The following STK38L variants were observed in gnomAD, a reference collection of about 807,000 sequenced individuals.
The protein encoded by STK38L is serine/threonine kinase 38 like, also known as serine/threonine-protein kinase 38-like.
STK38L carries 28 observed loss-of-function variants against 59.7 expected under a neutral mutation model. The observed-to-expected ratio is 0.47, with a 90% CI of 0.35 to 0.64. The LOEUF (loss-of-function observed/expected upper bound fraction) is 0.64, where lower values mean the gene tolerates loss of function less well. STK38L is among the 30% of genes least tolerant of loss of function. The pLI, the probability that STK38L is intolerant of heterozygous loss-of-function variation, is 0.01. For synonymous variants in STK38L, 162 were observed against 176.8 expected (o/e 0.92, Z 0.66); for missense variants, 314 against 555.8 (o/e 0.56, Z 4.37).
intron 1 of STK38L, among the ~76,000 whole-genome samples, chr12:27,272,449 C>T (rs1212801862): frequency 6.6e-6 from 1 of 152,156 alleles, no homozygotes; most frequent in Non-Finnish European, 1.5e-5. Flanking sequence ...TTGATTTCCC[C>T]TCAAGGAAGG....
chr12:27,300,129 C>G (rs1318524378), intron 2 of STK38L, among the ~76,000 whole-genome samples: 1 of 151,948 alleles, frequency 6.6e-6, no homozygotes. Context: ...ATAAAATTAT[C>G]TGTGTTATTG....
At position 27,322,367 on chromosome 12, in the gene STK38L, G is replaced by A; in HGVS notation, c.1307G>A (p.Trp436Ter). The A allele has an allele frequency of 6.2e-7, 1 of 1,614,006 alleles. No homozygotes were observed. The highest frequency in any genetic ancestry group is 8.5e-7 in the Non-Finnish European group (1 of 1,179,936). The change falls in exon 14 of 14, where the codon TGG becomes TAG. Residue 436 changes from tryptophan (W) to a stop codon, truncating the protein, a stop_gained. Transcript: ENST00000389032. LOFTEE classifies it high-confidence loss of function. ...TTEPDYKSKD[W>*]VFLNYTYKRF... ...GAACCGGACTACAAATCCAAAGACT[G>A]GGTTTTTCTCAATTATACCTATAAA...
chr12:27,253,654 G>A (rs908974181), intron 1 of STK38L, among the ~76,000 whole-genome samples: 2 of 152,164 alleles, frequency 1.3e-5, no homozygotes, highest in Admixed American at 6.5e-5. Context: ...AAGGGAGAGG[G>A]GCACCTACTT....
rs1423448134 is a variant in STK38L at position 27,322,909 on chromosome 12, A to G, written c.*454A>G. The G allele has an allele frequency of 1.3e-5, 2 of 152,814 alleles. No individual in the cohort carries two copies. Among genetic ancestry groups the G allele is most frequent in the Non-Finnish European group, 2.9e-5 (2 of 68,516 alleles). The allele number at this position is 152,814 out of a possible 1,614,324, so 9.5% of individuals were successfully genotyped here. On this transcript the variant is annotated 3_prime_UTR_variant, in exon 14 of 14. Transcript: ENST00000389032. ...TGGGTCTAGATAATCAGTAAAAGCC[A>G]TCTTCCATAGTTGGTGTTAGAACAT... is the stretch of plus-strand genomic sequence containing the variant.
At chr12:27,285,202 G>T (rs1943746528) in intron 1 of STK38L, among the ~76,000 whole-genome samples, 1 of 152,056 alleles carries the variant, frequency 6.6e-6, no homozygotes, top group South Asian at 2.1e-4. Context: ...TCAGGGGGTG[G>T]TTTTTATTTG....
chr12:27,286,674 T>TA (rs1277073148), intron 1 of STK38L, among the ~76,000 whole-genome samples: 1 of 152,234 alleles, frequency 6.6e-6, no homozygotes, highest in Non-Finnish European at 1.5e-5. Flanking sequence ...GTTATTTGCA[T>TA]AGGATAGACT....
intron 9 of STK38L, among the ~76,000 whole-genome samples, chr12:27,317,000 ATAACT>A (rs1172797781): frequency 1.3e-5 from 2 of 152,130 alleles, no homozygotes; most frequent in African/African-American, 2.4e-5. Flanking sequence ...ATATATATAA[ATAACT>A]TAACTGAGCT....
At position 27,325,733 on chromosome 12, in the gene STK38L, T is replaced by G. The variant is rs1186354435; in HGVS notation, c.*3278T>G. ...TGGGACTACTAGAGATATTTTAGATTTTTATGAAAAAAATGTGAGGGGATA... is the reference window on the plus strand; with the variant it reads ...TGGGACTACTAGAGATATTTTAGATGTTTATGAAAAAAATGTGAGGGGATA... On this transcript the variant is annotated 3_prime_UTR_variant, in exon 14 of 14. Transcript: ENST00000389032. 1 of 152,158 alleles carries G rather than the reference T, an allele frequency of 6.6e-6. No individual in the cohort carries two copies. The highest frequency in any genetic ancestry group is 1.5e-5 in the Non-Finnish European group (1 of 68,016). 9.4% of individuals were successfully genotyped at this position (152,158 alleles called of 1,614,324 possible).
intron 1 of STK38L, among the ~76,000 whole-genome samples, chr12:27,267,843 C>G (rs1403383583): frequency 6.6e-6 from 1 of 152,046 alleles, no homozygotes; most frequent in South Asian, 2.1e-4. Flanking sequence ...AGTTGAGCAT[C>G]TTTTATTATG....
intron 10 of STK38L, 91 bp downstream of exon 10, chr12:27,317,544 T>C (rs2136651609): frequency 9.5e-7 from 1 of 1,057,068 alleles, no homozygotes; most frequent in South Asian, 1.5e-5. Flanking sequence ...GACTAAAATA[T>C]TTGAAGTCTT....
intron 1 of STK38L, among the ~76,000 whole-genome samples, chr12:27,282,962 C>T (rs1943693033): frequency 6.6e-6 from 1 of 152,178 alleles, no homozygotes; most frequent in Admixed American, 6.5e-5. Context: ...AGTTAAGTCT[C>T]ACTTTTCTCT....
In STK38L at chr12:27,325,574, A is replaced by G. The variant is rs566864636; in HGVS notation, c.*3119A>G. ...ATTGTTAAAATTCAGAACATTCAAA[A>G]TAACTGTTTTGCTACAACCCATGAT... On this transcript the variant is annotated 3_prime_UTR_variant, in exon 14 of 14. Coordinates refer to ENST00000389032, the MANE Select transcript of STK38L (RefSeq NM_015000.4). 2 of 152,176 alleles carry G rather than the reference A, an allele frequency of 1.3e-5. No homozygotes were observed. Among genetic ancestry groups the G allele is most frequent in the South Asian group, 2.1e-4 (1 of 4,828 alleles). 9.4% of individuals were successfully genotyped at this position (152,176 alleles called of 1,614,324 possible). A position where few individuals can be genotyped will look rare whatever the true frequency, so the allele number is the denominator to read the frequency against.
In STK38L at chr12:27,245,080, A is replaced by G. The variant is rs60860417; in HGVS notation, c.-12+748A>G. Among the ~76,000 whole-genome samples the G allele has an allele frequency of 1.7e-4, 26 of 152,306 alleles. No homozygotes were observed. The East Asian group carries it at 4.6e-3, about 27-fold the overall frequency. ...AAGAACAAACTTTATTTTCAAAACC[A>G]GTGGCCTCCCCTTTTACTGGTGCTG... is the stretch of plus-strand genomic sequence containing the variant. On this transcript the variant is annotated intron_variant, in intron 1 of 13. Coordinates refer to ENST00000389032, the MANE Select transcript of STK38L (RefSeq NM_015000.4).
chr12:27,288,641 T>C (rs1164806235), intron 1 of STK38L, among the ~76,000 whole-genome samples: 2 of 151,908 alleles, frequency 1.3e-5, no homozygotes, highest in Non-Finnish European at 2.9e-5. Context: ...TTAATTCATC[T>C]TTATAAATTC....
chr12:27,248,035 G>A (rs193103651), intron 1 of STK38L, among the ~76,000 whole-genome samples: 43 of 152,128 alleles, frequency 2.8e-4, no homozygotes, highest in Non-Finnish European at 5.9e-4. Flanking sequence ...GCCTGGTCTC[G>A]AACTCCTTGG....
At chr12:27,261,065 A>G (rs377487270) in intron 1 of STK38L, among the ~76,000 whole-genome samples, 1 of 152,216 alleles carries the variant, frequency 6.6e-6, no homozygotes, top group East Asian at 1.9e-4. Context: ...AACAAACTTG[A>G]AAATTCCATG....
intron 1 of STK38L, among the ~76,000 whole-genome samples, chr12:27,291,334 C>T (rs1943891131): frequency 6.6e-6 from 1 of 152,150 alleles, no homozygotes. Flanking sequence ...GCTCTTCCTC[C>T]TCTGAGTCCA....
At chr12:27,248,709 G>C (rs1942910300) in intron 1 of STK38L, among the ~76,000 whole-genome samples, 1 of 152,168 alleles carries the variant, frequency 6.6e-6, no homozygotes, top group African/African-American at 2.4e-5. Flanking sequence ...CAATGGGGTA[G>C]GTTCTAGAAG....
At chr12:27,269,584 A>G (rs1300414589) in intron 1 of STK38L, among the ~76,000 whole-genome samples, 3 of 152,110 alleles carry the variant, frequency 2.0e-5, no homozygotes, top group Non-Finnish European at 4.4e-5. Flanking sequence ...TTTTGGCTAC[A>G]TGTTCATAAC....
Sources: allele counts gnomAD v4.1 joint callset (sites outside exome capture counted in the v4.1 genomes callset), GRCh38; gene constraint gnomAD v4.1.1; transcripts MANE v1.5; gene names NCBI Gene and HGNC (gene_info 2026-07-23, HGNC 2026-07-21).